The following SBF2 variants were observed in gnomAD, a reference collection of about 807,000 sequenced individuals.
SBF2 encodes myotubularin-related protein 13.
A neutral mutation model predicts 225.2 loss-of-function variants in SBF2; 112 were observed. That is an observed-to-expected ratio of 0.50 (90% CI 0.43 to 0.58). SBF2 has a LOEUF of 0.58. SBF2 is among the 20% of genes least tolerant of loss of function. The pLI, the probability that SBF2 is intolerant of heterozygous loss-of-function variation, is 0.00. For synonymous variants in SBF2, 763 were observed against 773.3 expected (o/e 0.99, Z 0.22); for missense variants, 1,996 against 2,206.2 (o/e 0.90, Z 1.91).
At chr11:9,932,130 G>C (rs1290768600) in intron 16 of SBF2, among the ~76,000 whole-genome samples, 1 of 152,204 alleles carries the variant, frequency 6.6e-6, no homozygotes, top group Non-Finnish European at 1.5e-5. Flanking sequence ...ACGGGACTAG[G>C]TGAAAAGACC....
chr11:9,996,535 G>A (rs185287960), intron 9 of SBF2, among the ~76,000 whole-genome samples: 130 of 152,104 alleles, frequency 8.5e-4, no homozygotes, highest in Non-Finnish European at 9.1e-4. Flanking sequence ...GATTACAGGC[G>A]TGCGCCACCA....
At chr11:9,921,197 A>G (rs1282418075) in intron 16 of SBF2, among the ~76,000 whole-genome samples, 4 of 151,022 alleles carry the variant, frequency 2.6e-5, no homozygotes, top group Admixed American at 1.3e-4. Context: ...CAGCCTCCCA[A>G]GTAGATGGGA....
chr11:9,858,379 G>C lies in SBF2; in HGVS notation c.1947C>G (p.Val649=), dbSNP rs1227898176. 6.2e-7 allele frequency: 1 copy of C among 1,614,138 alleles called. No homozygotes were observed. The highest frequency in any genetic ancestry group is 8.5e-7 in the Non-Finnish European group (1 of 1,179,998). ...SAFYRKLAPG[V]SQFAYTCVQD... is the part of the protein sequence containing the mutation. ...GTACACACGTGTAAGCAAACTGGCTGACTCCAGGGGCAAGTTTCTGTGAGA... is the reference window on the plus strand; with the variant it reads ...GTACACACGTGTAAGCAAACTGGCTCACTCCAGGGGCAAGTTTCTGTGAGA... Residue 649 remains valine, a synonymous_variant, in exon 18 of 40, where the codon GTC becomes GTG. Transcript: ENST00000256190.
chr11:10,018,351 T>G (rs1035655118), intron 6 of SBF2, among the ~76,000 whole-genome samples: 1 of 152,066 alleles, frequency 6.6e-6, no homozygotes, highest in Non-Finnish European at 1.5e-5. Context: ...TAGAGCTATG[T>G]ATCAAATGTT....
intron 2 of SBF2, among the ~76,000 whole-genome samples, chr11:10,158,687 G>C (rs1202065218): frequency 2.0e-5 from 3 of 152,086 alleles, no homozygotes; most frequent in African/African-American, 7.2e-5. Context: ...ATCATAAAAA[G>C]CCATATAAAG....
intron 3 of SBF2, among the ~76,000 whole-genome samples, chr11:10,033,480 A>G (rs912158892): frequency 1.3e-5 from 2 of 152,162 alleles, no homozygotes; most frequent in African/African-American, 4.8e-5. Flanking sequence ...TATTAAGTAA[A>G]AAATAATTTT....
chr11:10,199,085 T>C (rs1591196237), intron 1 of SBF2, among the ~76,000 whole-genome samples: 1 of 152,168 alleles, frequency 6.6e-6, no homozygotes, highest in East Asian at 1.9e-4. Context: ...CTAAACATAA[T>C]CATTTCTAGA....
intron 24 of SBF2, chr11:9,843,983 C>A (rs1236604772): frequency 6.6e-6 from 1 of 152,186 alleles, no homozygotes; most frequent in Non-Finnish European, 1.5e-5. Flanking sequence ...TAAATTGCTA[C>A]ATCTCTGTTG....
intron 1 of SBF2, among the ~76,000 whole-genome samples, chr11:10,209,591 C>T (rs1957863103): frequency 6.6e-6 from 1 of 152,022 alleles, no homozygotes; most frequent in African/African-American, 2.4e-5. Flanking sequence ...TTCTCAAGCT[C>T]CCAATGCTGT....
At chr11:9,957,957 TC>T (rs1202866265) in intron 16 of SBF2, 2 of 151,834 alleles carry the variant, frequency 1.3e-5, no homozygotes, top group Non-Finnish European at 2.9e-5. Context: ...TCCTCCCTGA[TC>T]CCCAACCCCT....
chr11:9,938,304 A>AG (rs1865032469), intron 16 of SBF2, among the ~76,000 whole-genome samples: 2 of 106,550 alleles, frequency 1.9e-5, no homozygotes, highest in Admixed American at 8.5e-5. Context: ...AAAAAAAAAG[A>AG]AAAAAAAAAG....
intron 1 of SBF2, among the ~76,000 whole-genome samples, chr11:10,257,664 CAAAAAAAAAA>C (rs58743421): frequency 1.3e-4 from 5 of 39,070 alleles, no homozygotes; most frequent in East Asian, 9.0e-4. Flanking sequence ...GGCCTTGCCT[CAAAAAAAAAA>C]AAAAAAAAAA....
chr11:10,033,035 T>A lies in SBF2; in HGVS notation c.280-1865A>T, dbSNP rs563930252. 7.3e-4 allele frequency among the ~76,000 whole-genome samples: 111 copies of A among 152,350 alleles called. 1 individual carries two copies. The South Asian group carries it at 1.0e-2, about 14-fold the overall frequency. ...ACTATCTGTTTAGTTTTTGTATGTA[T>A]GATAGAGTCCATATGCTCTTGAAAG... On this transcript the variant is annotated intron_variant, in intron 3 of 39. Transcript: ENST00000256190.
intron 2 of SBF2, among the ~76,000 whole-genome samples, chr11:10,045,925 A>G (rs558960847): frequency 8.1e-4 from 123 of 152,316 alleles, no homozygotes; most frequent in African/African-American, 2.9e-3. Flanking sequence ...TGTGGGTTCT[A>G]CATCTGTGGA....
intron 2 of SBF2, among the ~76,000 whole-genome samples, chr11:10,159,080 A>AC (rs1955601040): frequency 6.6e-6 from 1 of 152,200 alleles, no homozygotes; most frequent in Non-Finnish European, 1.5e-5. Context: ...TTCCTCTAAC[A>AC]TCAGAGACAA....
rs1359212269 is a variant in SBF2, at chr11:10,299,266, A to T, written n.386+5226T>A. Among the ~76,000 whole-genome samples, 10 of 142,570 alleles carry T rather than the reference A, an allele frequency of 7.0e-5. No homozygotes were observed. The Admixed American group carries it at 7.6e-4, about 11-fold the overall frequency. 93.5% of individuals were successfully genotyped at this position (142,570 alleles called of 152,430 possible). The stretch of plus-strand genomic sequence containing the variant: ...GGCAAAAGAATGGCGTGAACCCAGG[A>T]GGCAGAGCTTGCAGTGGGTCGAGAT... On this transcript the variant is annotated intron_variant and non_coding_transcript_variant, in intron 1 of 5. Coordinates refer to the SBF2 transcript ENST00000685217.
intron 2 of SBF2, among the ~76,000 whole-genome samples, chr11:10,126,000 T>C (rs1301103633): frequency 1.3e-5 from 2 of 152,222 alleles, no homozygotes; most frequent in Non-Finnish European, 2.9e-5. Context: ...GGGAGGTACA[T>C]TCTATCCACA....
chr11:10,170,224 T>C (rs1250649237), intron 2 of SBF2, among the ~76,000 whole-genome samples: 1 of 152,166 alleles, frequency 6.6e-6, no homozygotes, highest in East Asian at 1.9e-4. Context: ...GCCCTAGAGT[T>C]TCTCCCATGT....
At chr11:10,053,149 C>T (rs889584159) in intron 2 of SBF2, among the ~76,000 whole-genome samples, 4 of 151,938 alleles carry the variant, frequency 2.6e-5, no homozygotes, top group African/African-American at 4.8e-5. Context: ...TTTTTAATAA[C>T]TGAATATTAT....
Sources: gnomAD v4.1 joint callset for allele counts (sites outside exome capture counted in the v4.1 genomes callset) on GRCh38, gnomAD v4.1.1 for gene constraint, MANE v1.5 for transcripts, NCBI Gene and HGNC (gene_info 2026-07-23, HGNC 2026-07-21) for gene names.